The following TEX9 variants were observed in gnomAD, a reference collection of about 807,000 sequenced individuals.
TEX9 encodes testis-expressed protein 9.
TEX9 carries 74 observed loss-of-function variants against 59.6 expected under a neutral mutation model. The ratio of observed to expected loss-of-function variants is 1.24; its 90% CI spans 1.03 to 1.51. TEX9 has a LOEUF of 1.51. TEX9 is among the 40% of genes most tolerant of loss of function. The pLI is 0.00. For synonymous variants in TEX9, 186 were observed against 152.2 expected (o/e 1.22, Z -1.64); for missense variants, 522 against 447.8 (o/e 1.17, Z -1.49).
intron 10 of TEX9, among the ~76,000 whole-genome samples, chr15:56,416,176 ATAGT>A (rs1273791817): frequency 6.6e-6 from 1 of 151,790 alleles, no homozygotes; most frequent in African/African-American, 2.4e-5. Context: ...CTGCAAACAG[ATAGT>A]TTGACTTCCT....
chr15:56,352,981 C>G (rs1161910439), intron 1 of TEX9, among the ~76,000 whole-genome samples: 1 of 152,124 alleles, frequency 6.6e-6, no homozygotes, highest in Non-Finnish European at 1.5e-5. Flanking sequence ...AACTGTCTTT[C>G]CCAGGCTTTC....
At chr15:56,448,084 A>G (rs1264868689), downstream of TEX9, among the ~76,000 whole-genome samples, 1 of 152,178 alleles carries the variant, frequency 6.6e-6, no homozygotes, top group African/African-American at 2.4e-5. Flanking sequence ...GTATGTGGAT[A>G]TTGCAAATAA....
intron 3 of TEX9, 64 bp from the exon 4 acceptor site, chr15:56,383,888 G>C (rs1014336550): frequency 5.7e-6 from 7 of 1,218,668 alleles, no homozygotes; most frequent in Non-Finnish European, 8.2e-6. Flanking sequence ...AGAGGCACTT[G>C]AATATATCTT....
intron 1 of TEX9, among the ~76,000 whole-genome samples, chr15:56,278,080 A>G (rs1567071225): frequency 6.6e-6 from 1 of 152,038 alleles, no homozygotes; most frequent in South Asian, 2.1e-4. Flanking sequence ...CTGGTACTGC[A>G]TTAAAATTTT....
intron 1 of TEX9, among the ~76,000 whole-genome samples, chr15:56,298,945 A>C (rs1303176357): frequency 6.6e-6 from 1 of 152,200 alleles, no homozygotes; most frequent in African/African-American, 2.4e-5. Flanking sequence ...TCACAATTAA[A>C]AGTTATGTAG....
At chr15:56,329,476 A>G (rs537257468) in intron 1 of TEX9, among the ~76,000 whole-genome samples, 68 of 152,362 alleles carry the variant, frequency 4.5e-4, no homozygotes, top group African/African-American at 1.5e-3. Flanking sequence ...GTGTGGAAAC[A>G]GAGATACGTG....
intron 1 of TEX9, among the ~76,000 whole-genome samples, chr15:56,298,624 A>G (rs1156485159): frequency 2.0e-5 from 3 of 152,172 alleles, no homozygotes; most frequent in African/African-American, 2.4e-5. Flanking sequence ...TCATCTGTCC[A>G]TCCCTTTATT....
chr15:56,269,451 G>A (rs2044470442), intron 1 of TEX9, among the ~76,000 whole-genome samples: 1 of 151,890 alleles, frequency 6.6e-6, no homozygotes, highest in Admixed American at 6.6e-5. Flanking sequence ...TTTCTCTTGT[G>A]GGCATTTAGT....
intron 1 of TEX9, among the ~76,000 whole-genome samples, chr15:56,327,610 G>C (rs74588215): frequency 6.6e-6 from 1 of 152,110 alleles, no homozygotes; most frequent in Non-Finnish European, 1.5e-5. Flanking sequence ...GGGTAAGAAA[G>C]ACAATCTCGA....
At chr15:56,303,385 T>G (rs995549581) in intron 1 of TEX9, among the ~76,000 whole-genome samples, 5 of 152,018 alleles carry the variant, frequency 3.3e-5, no homozygotes, top group South Asian at 2.1e-4. Flanking sequence ...GAACTGGAAA[T>G]TAATAATAAG....
At chr15:56,313,741 T>G (rs2045683781) in intron 1 of TEX9, among the ~76,000 whole-genome samples, 1 of 139,204 alleles carries the variant, frequency 7.2e-6, no homozygotes. Context: ...TTCCTCCTTG[T>G]ACCTCTGGTA....
chr15:56,389,455 C>T, intron 6 of TEX9, 55 bp downstream of exon 6: 1 of 1,250,816 alleles, frequency 8.0e-7, no homozygotes, highest in Admixed American at 2.0e-5. Flanking sequence ...ATTCACAATA[C>T]CATCATTCTT....
chr15:56,287,010 T>A (rs2044969174), intron 1 of TEX9, among the ~76,000 whole-genome samples: 1 of 152,100 alleles, frequency 6.6e-6, no homozygotes, highest in Non-Finnish European at 1.5e-5. Context: ...ACAGAGTGGT[T>A]TTTACTGTTA....
rs536579386 is a variant in TEX9 at position 56,276,213 on chromosome 15, C to T, written c.-107+31935C>T. On this transcript the variant is annotated intron_variant, in intron 1 of 5. Transcript: ENST00000560827. Reference sequence around the variant, plus strand: ...TTCTGGGATACATGTGCTGAATGTGCAGGTTTGTTACATAGGTATACATGG... The same window carrying T: ...TTCTGGGATACATGTGCTGAATGTGTAGGTTTGTTACATAGGTATACATGG... Among the ~76,000 whole-genome samples, 16 of 151,814 alleles carry T rather than the reference C, an allele frequency of 1.1e-4. No homozygotes were observed. In the South Asian group the frequency reaches 1.9e-3, roughly 18 times the overall value.
rs182075403 is a variant in TEX9 at position 56,326,544 on chromosome 15, G to A, written c.-106-46897G>A. Among the ~76,000 whole-genome samples the A allele has an allele frequency of 2.0e-4, 30 of 152,240 alleles. No homozygotes were observed. The East Asian group carries it at 5.0e-3, about 25-fold the overall frequency. On this transcript the variant is annotated intron_variant, in intron 1 of 5. Coordinates refer to the TEX9 transcript ENST00000560827. ...CAGGTAACTATCTTAGTTTGGGTAT[G>A]TCCAGAAGCAGATGAGACAAGGATT...
In TEX9 at chr15:56,324,041, A is replaced by C. The variant is rs1335810080; in HGVS notation, c.-106-49400A>C. ...TGGCCTGGTACAGTATGGGGGTCGT[A>C]AACTGGCATAGAAATCGAAAGCAGG... On this transcript the variant is annotated intron_variant, in intron 1 of 5. Coordinates refer to the TEX9 transcript ENST00000560827. Among the ~76,000 whole-genome samples, 4 of 152,162 alleles carry C rather than the reference A, an allele frequency of 2.6e-5. No homozygotes were observed. The East Asian group carries it at 5.8e-4, about 22-fold the overall frequency.
At chr15:56,325,583 T>C (rs1283912325) in intron 1 of TEX9, among the ~76,000 whole-genome samples, 1 of 152,182 alleles carries the variant, frequency 6.6e-6, no homozygotes, top group Non-Finnish European at 1.5e-5. Flanking sequence ...CCAACAGTAT[T>C]ACACATTGGC....
chr15:56,436,188 T>C (rs972025562), intron 12 of TEX9, among the ~76,000 whole-genome samples: 2 of 152,128 alleles, frequency 1.3e-5, no homozygotes, highest in African/African-American at 2.4e-5. Flanking sequence ...TATTCCAAAG[T>C]TGACCACATA....
intron 1 of TEX9, among the ~76,000 whole-genome samples, chr15:56,254,129 T>G (rs2044091565): frequency 6.6e-6 from 1 of 151,860 alleles, no homozygotes; most frequent in Admixed American, 6.6e-5. Context: ...ACAGAAAAGA[T>G]TAAAGGGGGT....
Sources: allele counts gnomAD v4.1 joint callset (sites outside exome capture counted in the v4.1 genomes callset), GRCh38; gene constraint gnomAD v4.1.1; transcripts MANE v1.5; gene names NCBI Gene and HGNC (gene_info 2026-07-23, HGNC 2026-07-21).